The following BOC variants were observed in gnomAD, a reference collection of about 807,000 sequenced individuals.
BOC encodes the protein BOC cell adhesion associated, oncogene regulated.
Under a neutral mutation model 112.0 loss-of-function variants are expected in BOC, and 76 were observed. The observed-to-expected ratio is 0.68, with a 90% CI of 0.56 to 0.82. The LOEUF is 0.82. BOC is among the 40% of genes least tolerant of loss of function. The pLI is 0.00. For synonymous variants in BOC, 580 were observed against 599.8 expected (o/e 0.97, Z 0.48); for missense variants, 1,309 against 1,511.7 (o/e 0.87, Z 2.22).
intron 4 of BOC, among the ~76,000 whole-genome samples, chr3:113,252,787 G>T (rs755087871): frequency 6.6e-6 from 1 of 152,184 alleles, no homozygotes; most frequent in Non-Finnish European, 1.5e-5. Flanking sequence ...GTGGCAGAAG[G>T]GTCACCCATG....
At chr3:113,236,890 C>T (rs1326365541) in intron 2 of BOC, among the ~76,000 whole-genome samples, 5 of 152,164 alleles carry the variant, frequency 3.3e-5, no homozygotes, top group Admixed American at 6.5e-5. Context: ...GTTGCTTTTG[C>T]GCATTATCTT....
chr3:113,239,586 A>G (rs1353189976), intron 2 of BOC, among the ~76,000 whole-genome samples: 1 of 152,220 alleles, frequency 6.6e-6, no homozygotes, highest in African/African-American at 2.4e-5. Context: ...TCATTCCAGC[A>G]CAGGCTTGTT....
chr3:113,212,012 C>G lies in BOC; in HGVS notation c.-174C>G, dbSNP rs560698762. 4.6e-5 allele frequency: 7 copies of G among 152,584 alleles called. No individual in the cohort carries two copies. In the East Asian group the frequency reaches 1.4e-3, roughly 30 times the overall value. The allele number at this position is 152,584 out of a possible 1,614,324, so 9.5% of individuals were successfully genotyped here. On this transcript the variant is annotated 5_prime_UTR_variant, in exon 1 of 20. Coordinates refer to ENST00000682979, the MANE Select transcript of BOC (RefSeq NM_001378074.1). ...CGCCCTTCCCAGGCGCCGGCTGCAG[C>G]AGAGGTGAGTCACGTCGCTGAAGTT... is the stretch of plus-strand genomic sequence containing the variant.
Position 113,287,074 on chromosome 3 carries a change from C to T in BOC, c.*212C>T, listed in dbSNP as rs945283326. ...TTGGAGAGGGAAAATAAAGAAGCTG[C>T]CACCTAACAGGAGTCACCCAGGAAA... is the stretch of plus-strand genomic sequence containing the variant. On this transcript the variant is annotated 3_prime_UTR_variant, in exon 20 of 20. Transcript: ENST00000682979. The T allele has an allele frequency of 1.5e-5, 9 of 617,404 alleles. No individual in the cohort carries two copies. Among genetic ancestry groups the T allele is most frequent in the African/African-American group, 1.5e-4 (8 of 54,896 alleles). 38.2% of individuals were successfully genotyped at this position (617,404 alleles called of 1,614,324 possible).
intron 15 of BOC, 79 bp from the exon 16 acceptor site, chr3:113,283,332 G>T: frequency 2.2e-6 from 3 of 1,388,428 alleles, no homozygotes; most frequent in South Asian, 2.8e-5. Context: ...CCATGGAATG[G>T]GGGTATTTTT....
In BOC at chr3:113,245,147, A is replaced by T. The variant is rs568522820; in HGVS notation, c.-81-4575A>T. ...ATTAAAAAAAATTTTAATTAAAAAAATTTTTTAAATTAGGTCTGTGTGTCA... is the reference window on the plus strand; with the variant it reads ...ATTAAAAAAAATTTTAATTAAAAAATTTTTTTAAATTAGGTCTGTGTGTCA... On this transcript the variant is annotated intron_variant, in intron 2 of 19. Coordinates refer to ENST00000682979, the MANE Select transcript of BOC (RefSeq NM_001378074.1). Among the ~76,000 whole-genome samples, 384 of 152,328 alleles carry T rather than the reference A, an allele frequency of 2.5e-3. 4 individuals are homozygous for T. The highest frequency in any genetic ancestry group is 8.6e-3 in the African/African-American group (357 of 41,574).
rs1206786400 is a variant in BOC at position 113,278,056 on chromosome 3, G to C, written c.1543-39G>C. On this transcript the variant is annotated intron_variant, in intron 9 of 19. Transcript: ENST00000682979. The surrounding 1 kb of genome is among the most constrained non-coding windows in gnomAD (Gnocchi z 4.2). Reference sequence around the variant, plus strand: ...AAACCATAGCCCACTCGTAGCCCGAGGCTGAGATGCCGGTCTTTATACCAG... The same window carrying C: ...AAACCATAGCCCACTCGTAGCCCGACGCTGAGATGCCGGTCTTTATACCAG... The C allele has an allele frequency of 6.2e-7, 1 of 1,611,802 alleles. No homozygotes were observed.
chr3:113,223,791 A>T (rs1175115712), intron 2 of BOC, among the ~76,000 whole-genome samples: 1 of 152,060 alleles, frequency 6.6e-6, no homozygotes, highest in Non-Finnish European at 1.5e-5. Flanking sequence ...CCCCATACAC[A>T]CTTCCAGCTG....
intron 2 of BOC, among the ~76,000 whole-genome samples, chr3:113,232,613 G>C (rs1020413329): frequency 6.6e-6 from 1 of 152,070 alleles, no homozygotes; most frequent in African/African-American, 2.4e-5. Context: ...ATGCCTGCCT[G>C]TCTTAGAGGT....
At chr3:113,236,282 G>GTC in intron 2 of BOC, among the ~76,000 whole-genome samples, 1 of 64,572 alleles carries the variant, frequency 1.5e-5, no homozygotes, top group East Asian at 3.3e-4. Context: ...ATACCCATGG[G>GTC]TATATATATA....
chr3:113,232,644 G>T (rs1318845170), intron 2 of BOC, among the ~76,000 whole-genome samples: 2 of 152,094 alleles, frequency 1.3e-5, no homozygotes, highest in African/African-American at 4.8e-5. Flanking sequence ...CATGTCCAAG[G>T]CAGGATGCTG....
intron 1 of BOC, among the ~76,000 whole-genome samples, chr3:113,215,549 T>G (rs1939195396): frequency 6.6e-6 from 1 of 152,206 alleles, no homozygotes; most frequent in Admixed American, 6.5e-5. Flanking sequence ...TCTTTTTCAT[T>G]CCTGCCACCA....
Position 113,278,383 on chromosome 3 carries a change from C to T in BOC, c.1705+126C>T. ...CCTTGAACTTCATCTTTCCTTCCAG[C>T]TACTGCCTCCTTGTGGTTTGTGTGC... On this transcript the variant is annotated intron_variant, in intron 10 of 19. Transcript: ENST00000682979. The surrounding 1 kb of genome is among the most constrained non-coding windows in gnomAD (Gnocchi z 4.2). 1 of 1,119,232 alleles carries T rather than the reference C, an allele frequency of 8.9e-7. No homozygotes were observed. The highest frequency in any genetic ancestry group is 1.3e-6 in the Non-Finnish European group (1 of 779,468). The allele number at this position is 1,119,232 out of a possible 1,614,324, so 69.3% of individuals were successfully genotyped here. A position where few individuals can be genotyped will look rare whatever the true frequency, so the allele number is the denominator to read the frequency against.
In BOC at chr3:113,250,534, G is replaced by A. The variant is rs370097945; in HGVS notation, c.98-21G>A. 1.8e-5 allele frequency: 29 copies of A among 1,592,254 alleles called. 1 individual carries two copies. In the Middle Eastern group the frequency reaches 1.0e-3, roughly 56 times the overall value. On this transcript the variant is annotated intron_variant, in intron 3 of 19. Transcript: ENST00000682979. ...TTCTTGGGGGCATCAGTTCATTGCTGCATCCCTGTTCTTCCTCCAGACGAG... is the reference window on the plus strand; with the variant it reads ...TTCTTGGGGGCATCAGTTCATTGCTACATCCCTGTTCTTCCTCCAGACGAG...
At chr3:113,283,255 G>A (rs1322111827) in intron 15 of BOC, among the ~76,000 whole-genome samples, 156 bp from the exon 16 acceptor site, 1 of 151,372 alleles carries the variant, frequency 6.6e-6, no homozygotes, top group Non-Finnish European at 1.5e-5. Flanking sequence ...TTCATGCTGA[G>A]TGTGGACACC....
Position 113,254,317 on chromosome 3 carries a change from A to T in BOC, c.376+3484A>T, listed in dbSNP as rs375066680. 2.6e-5 allele frequency among the ~76,000 whole-genome samples: 4 copies of T among 152,130 alleles called. 1 individual carries two copies. The highest frequency in any genetic ancestry group is 1.9e-4 in the East Asian group (1 of 5,176). On this transcript the variant is annotated intron_variant, in intron 4 of 19. Coordinates refer to ENST00000682979, the MANE Select transcript of BOC (RefSeq NM_001378074.1). ...AAGAAGAAGTGCTGAAAGTTGAGAG[A>T]GCAGGCATGGGGGGCTGTGTCATGA... is the stretch of plus-strand genomic sequence containing the variant.
chr3:113,279,303 A>G lies in BOC; in HGVS notation c.1871A>G (p.Tyr624Cys), dbSNP rs1423723709. 4 of 1,613,980 alleles carry G rather than the reference A, an allele frequency of 2.5e-6. No homozygotes were observed. Among genetic ancestry groups the G allele is most frequent in the Non-Finnish European group, 2.5e-6 (3 of 1,180,000 alleles). Residue 624 changes from tyrosine (Y) to cysteine (C), a missense_variant, in exon 12 of 20, where the codon TAC becomes TGC. Transcript: ENST00000682979. The part of the protein sequence containing the change: ...TISTASETSV[Y>C]VTWIPRGNGG... ...TCCACGGCCTCCGAGACCTCAGTGTACGTGACCTGGATTCCCCGTGGGAAT... is the reference window on the plus strand; with the variant it reads ...TCCACGGCCTCCGAGACCTCAGTGTGCGTGACCTGGATTCCCCGTGGGAAT...
chr3:113,239,972 C>T (rs140920105), intron 2 of BOC, among the ~76,000 whole-genome samples: 1 of 152,334 alleles, frequency 6.6e-6, no homozygotes, highest in African/African-American at 2.4e-5. Flanking sequence ...TCTCCACCGA[C>T]TCTGGCTTTT....
intron 2 of BOC, among the ~76,000 whole-genome samples, chr3:113,227,025 G>A: frequency 6.6e-6 from 1 of 152,184 alleles, no homozygotes; most frequent in Admixed American, 6.5e-5. Flanking sequence ...AGGTCATACT[G>A]CCTTGAACTG....
Sources: gnomAD v4.1 joint callset for allele counts (sites outside exome capture counted in the v4.1 genomes callset) on GRCh38, gnomAD v4.1.1 for gene constraint, Gnocchi (gnomAD v3.1) non-coding constraint, MANE v1.5 for transcripts, NCBI Gene and HGNC (gene_info 2026-07-23, HGNC 2026-07-21) for gene names.